Variants in PTCH2 observed in about 807,000 individuals in gnomAD.
The protein encoded by PTCH2 is protein patched homolog 2.
A neutral mutation model predicts 117.9 loss-of-function variants in PTCH2; 96 were observed. That is an observed-to-expected ratio of 0.81 (90% CI 0.69 to 0.96). The LOEUF (loss-of-function observed/expected upper bound fraction) is 0.96. Among genes scored for constraint, PTCH2 ranks in the 50% least tolerant of loss-of-function variants. The pLI is 0.00. For missense variants in PTCH2, 1,379 were observed against 1,562.5 expected, an observed-to-expected ratio of 0.88 and a Z score of 1.98; for synonymous variants, 615 against 660.9, an observed-to-expected ratio of 0.93 and a Z score of 1.06.
Position 44,829,137 on chromosome 1 carries a change from GC to G in PTCH2, c.1371+19del, listed in dbSNP as rs751571438. The G allele has an allele frequency of 9.9e-6, 16 of 1,613,742 alleles. No homozygotes were observed. The highest frequency in any genetic ancestry group is 1.3e-5 in the Non-Finnish European group (15 of 1,180,032). On this transcript the variant is annotated intron_variant, in intron 10 of 21. Transcript: ENST00000372192. ...AAGCCTGGTGACTGGCACTGAGTCT[GC>G]CCTGCAGTCCTGGCGTACCTGGGTA...
chr1:44,837,950 C>T (rs1176543424), intron 2 of PTCH2, among the ~76,000 whole-genome samples: 3 of 151,744 alleles, frequency 2.0e-5, no homozygotes, highest in South Asian at 2.1e-4. Flanking sequence ...GGCATGGTGG[C>T]GGGTGCCTGT....
downstream of PTCH2, chr1:44,820,479 G>A (rs1341936481): frequency 4.4e-6 from 3 of 685,332 alleles, no homozygotes; most frequent in Non-Finnish European, 8.1e-6. Flanking sequence ...GACCTCACAG[G>A]AGGCACGACC....
chr1:44,820,457 C>G (rs185397548), downstream of PTCH2: 219 of 684,430 alleles, frequency 3.2e-4, 1 homozygote, highest in East Asian at 5.2e-3. Flanking sequence ...CACAGACACT[C>G]AGGGGCACTG....
Position 44,829,307 on chromosome 1 carries a change from G to A in PTCH2, c.1221C>T (p.Ala407=). The change falls in exon 10 of 22, where the codon GCC becomes GCT. Residue 407 remains alanine, a synonymous_variant. Coordinates refer to ENST00000372192, the MANE Select transcript of PTCH2 (RefSeq NM_003738.5). ...ACCGCAGCATGGTCACACAGGCATA[G>A]GCCAGCTGTGGGGGGAAAGGGCAGT... ...RVVGGYLLML[A]YACVTMLRWD... is the part of the protein sequence containing the mutation. 1.2e-6 allele frequency: 2 copies of A among 1,613,746 alleles called. No homozygotes were observed. The highest frequency in any genetic ancestry group is 2.2e-5 in the East Asian group (1 of 44,886).
At position 44,831,716 on chromosome 1, in the gene PTCH2, C is replaced by T. The variant is rs1371740303; in HGVS notation, c.607G>A (p.Ala203Thr). 1.2e-5 allele frequency: 19 copies of T among 1,558,718 alleles called. No individual in the cohort carries two copies. Among genetic ancestry groups the T allele is most frequent in the South Asian group, 2.4e-5 (2 of 84,884 alleles). ...AGGAGTGGCACTCACGGCAGGTAGGCGGAGCCCCCTTGGAGTTTGGCTCCC... is the reference window on the plus strand; with the variant it reads ...AGGAGTGGCACTCACGGCAGGTAGGTGGAGCCCCCTTGGAGTTTGGCTCCC... ...WEGAKLQGGS[A>T]YLPGRPDIQW... is the part of the protein sequence containing the mutation. Residue 203 changes from alanine to threonine, a missense_variant, in exon 5 of 22, where the codon GCC becomes ACC. Physicochemically the swap from Ala to Thr is moderately conservative, Grantham distance 58 (BLOSUM62 0). Coordinates refer to ENST00000372192, the MANE Select transcript of PTCH2 (RefSeq NM_003738.5). This position sits in a 1 kb window ranked among gnomAD's most constrained non-coding sequence, Gnocchi z 4.3.
intron 2 of PTCH2, among the ~76,000 whole-genome samples, chr1:44,833,176 A>C (rs1653535417): frequency 1.3e-5 from 2 of 152,106 alleles, no homozygotes; most frequent in Admixed American, 1.3e-4. Flanking sequence ...TATGCTGGCC[A>C]CAGGCTCCTG....
chr1:44,830,798 G>A (rs760415245), intron 6 of PTCH2, 50 bp downstream of exon 6: 2 of 1,494,242 alleles, frequency 1.3e-6, no homozygotes, highest in Non-Finnish European at 1.8e-6. Context: ...TATGAGGAAG[G>A]GAAAGGGAAG....
chr1:44,838,783 G>A (rs1335230440), intron 2 of PTCH2, among the ~76,000 whole-genome samples: 6 of 149,360 alleles, frequency 4.0e-5, no homozygotes, highest in South Asian at 2.1e-4. Flanking sequence ...GCAGTGGCAC[G>A]ATCTTGGCCC....
intron 11 of PTCH2, 148 bp from the exon 12 acceptor site, chr1:44,828,779 G>A: frequency 7.8e-7 from 1 of 1,285,878 alleles, no homozygotes; most frequent in African/African-American, 1.5e-5. Context: ...ATGTACGTAT[G>A]ATGGGCTGTT....
rs11573587 is a variant in PTCH2 at position 44,827,646 on chromosome 1, G to T, written c.2127C>A (p.Asp709Glu). The T allele has an allele frequency of 6.2e-7, 1 of 1,613,352 alleles. No individual in the cohort carries two copies. The highest frequency in any genetic ancestry group is 2.2e-5 in the East Asian group (1 of 44,884). Residue 709 changes from aspartate to glutamate, a missense_variant, in exon 15 of 22, where the codon GAC becomes GAA. Transcript: ENST00000372192. ...LSLYGATLVQ[D>E]GLALTDVVPR... ...GCACCACATCCGTCAGGGCCAGGCC[G>T]TCTTGCACCAAGGTGGCTCCGTAGA...
chr1:44,842,993 C>A lies in PTCH2; in HGVS notation c.-61G>T. The A allele has an allele frequency of 6.8e-7, 1 of 1,475,260 alleles. No homozygotes were observed. Among genetic ancestry groups the A allele is most frequent in the Admixed American group, 2.6e-5 (1 of 38,326 alleles). The allele number at this position is 1,475,260 out of a possible 1,614,324, so 91.4% of individuals were successfully genotyped here. A position where few individuals can be genotyped will look rare whatever the true frequency, so the allele number is the denominator to read the frequency against. On this transcript the variant is annotated 5_prime_UTR_variant, in exon 1 of 22. Transcript: ENST00000372192. ...CGCGTTATCTGGGCGCTCCCATAGG[C>A]TAGCCCGGTCTCCCGGTACCGCTGG...
intron 2 of PTCH2, among the ~76,000 whole-genome samples, chr1:44,833,737 C>G (rs1423877938): frequency 6.6e-6 from 1 of 152,008 alleles, no homozygotes; most frequent in African/African-American, 2.4e-5. Flanking sequence ...GCTGGGATTA[C>G]AAGCACCTGC....
chr1:44,841,395 TTCTA>T (rs1168831390), intron 2 of PTCH2, among the ~76,000 whole-genome samples: 1 of 152,170 alleles, frequency 6.6e-6, no homozygotes, highest in African/African-American at 2.4e-5. Context: ...AGCCTTCTAG[TTCTA>T]ACTTTTCTGA....
At position 44,822,498 on chromosome 1, in the gene PTCH2, C is replaced by G. The variant is rs1416107461; in HGVS notation, c.3529G>C (p.Ala1177Pro). 1 of 1,613,932 alleles carries G rather than the reference C, an allele frequency of 6.2e-7. No individual in the cohort carries two copies. The highest frequency in any genetic ancestry group is 8.5e-7 in the Non-Finnish European group (1 of 1,179,902). Residue 1177 changes from alanine (A) to proline (P), a missense_variant, in exon 22 of 22, where the codon GCC (alanine) becomes CCC (proline). By Grantham distance (27) the Ala-to-Pro change is conservative. Coordinates refer to ENST00000372192, the MANE Select transcript of PTCH2 (RefSeq NM_003738.5). ...PPLPGAYIHP[A>P]PDEPPWSPAA... ...GGGGACCAAGGGGGCTCATCAGGGG[C>G]TGGATGGATGTAGGCACCAGGCAGG...
At chr1:44,824,569 C>T (rs959604086) in intron 19 of PTCH2, among the ~76,000 whole-genome samples, 8 of 151,096 alleles carry the variant, frequency 5.3e-5, no homozygotes, top group Non-Finnish European at 2.9e-5. Flanking sequence ...GTAATCATGG[C>T]TCACTGCAGC....
chr1:44,822,078 C>A lies in PTCH2; in HGVS notation c.*337G>T. ...TGGGCAGGGATATGGAGAGCCTGCC[C>A]AGGAGTCACCAGACGGAAGGGTGCT... On this transcript the variant is annotated 3_prime_UTR_variant, in exon 22 of 22. Coordinates refer to ENST00000372192, the MANE Select transcript of PTCH2 (RefSeq NM_003738.5). 1 of 1,366,140 alleles carries A rather than the reference C, an allele frequency of 7.3e-7. No individual in the cohort carries two copies. Among genetic ancestry groups the A allele is most frequent in the Middle Eastern group, 2.7e-4 (1 of 3,694 alleles). 84.6% of individuals were successfully genotyped at this position (1,366,140 alleles called of 1,614,324 possible).
chr1:44,829,849 CA>C, intron 7 of PTCH2, 59 bp downstream of exon 7: 2 of 1,613,950 alleles, frequency 1.2e-6, no homozygotes, highest in African/African-American at 2.7e-5. Context: ...AGCTGCCTGG[CA>C]TTACAGTATG....
chr1:44,826,276 C>T lies in PTCH2; in HGVS notation c.3088G>A (p.Val1030Ile), dbSNP rs199862624. Residue 1030 changes from valine (V) to isoleucine (I), a missense_variant, in exon 19 of 22, where the codon GTT (valine) becomes ATT (isoleucine). Transcript: ENST00000372192. This position sits in a 1 kb window ranked among gnomAD's most constrained non-coding sequence, Gnocchi z 5.1. ...AGAGCCACGTGGACTGTGAACTCAA[C>T]GCCAATGCCTACAGAGGCCACAAGG... is the stretch of plus-strand genomic sequence containing the variant. ...VILVASVGIG[V>I]EFTVHVALGF... 54 of 1,614,018 alleles carry T rather than the reference C, an allele frequency of 3.3e-5. No individual in the cohort carries two copies. The highest frequency in any genetic ancestry group is 8.9e-5 in the East Asian group (4 of 44,902).
intron 2 of PTCH2, among the ~76,000 whole-genome samples, chr1:44,836,705 G>A (rs551606049): frequency 1.7e-4 from 26 of 151,302 alleles, no homozygotes; most frequent in East Asian, 3.9e-4. Context: ...ACTCTGTCTC[G>A]GGGGATGGAA....
Sources: gnomAD v4.1 joint callset for allele counts (sites outside exome capture counted in the v4.1 genomes callset) on GRCh38, gnomAD v4.1.1 for gene constraint, Gnocchi (gnomAD v3.1) non-coding constraint, MANE v1.5 for transcripts, NCBI Gene and HGNC (gene_info 2026-07-23, HGNC 2026-07-21) for gene names.